GRIN2C: variants seen among roughly 807,000 people sequenced by gnomAD.
GRIN2C encodes the protein glutamate ionotropic receptor NMDA type subunit 2C.
In GRIN2C, 64 loss-of-function variants were observed where a neutral mutation model predicts 77.7. That is an observed-to-expected ratio of 0.82 (90% CI 0.67 to 1.01). The LOEUF (loss-of-function observed/expected upper bound fraction) is 1.01, where lower values mean the gene tolerates loss of function less well. GRIN2C is among the 50% of genes least tolerant of loss of function. The pLI, the probability that GRIN2C is intolerant of heterozygous loss-of-function variation, is 0.00. For missense variants in GRIN2C, 1,549 were observed against 1,486.0 expected, an observed-to-expected ratio of 1.04 and a Z score of -0.70; for synonymous variants, 792 against 643.4, an observed-to-expected ratio of 1.23 and a Z score of -3.49.
Position 74,844,526 on chromosome 17 carries a change from AC to A in GRIN2C, c.2351-19del, listed in dbSNP as rs747627917. 11 of 1,609,848 alleles carry A rather than the reference AC, an allele frequency of 6.8e-6. No homozygotes were observed. Among genetic ancestry groups the A allele is most frequent in the Admixed American group, 1.7e-5 (1 of 59,902 alleles). ...TGTCTCTCCTGGAGTTGGGGGGTGT[AC>A]ACATCTGGCTCAGGAAACCCCCCTA... is the stretch of plus-strand genomic sequence containing the variant. On this transcript the variant is annotated intron_variant, in intron 11 of 12. Coordinates refer to ENST00000293190, the MANE Select transcript of GRIN2C (RefSeq NM_000835.6).
chr17:74,847,204 T>G lies in GRIN2C; in HGVS notation c.2001+104A>C. 1.1e-6 allele frequency: 1 copy of G among 894,924 alleles called. No homozygotes were observed. The allele number at this position is 894,924 out of a possible 1,614,324, so 55.4% of individuals were successfully genotyped here. ...CCTGAAGCTTCTTCCTGCCCCAGCC[T>G]CCAGGTCAAATTCCCCAGACTCGAC... On this transcript the variant is annotated intron_variant, in intron 9 of 12. Transcript: ENST00000293190. The surrounding 1 kb of genome is among the most constrained non-coding windows in gnomAD (Gnocchi z 5.2).
chr17:74,852,331 T>G lies in GRIN2C; in HGVS notation c.680A>C (p.Tyr227Ser), dbSNP rs2037676791. 1 of 1,457,826 alleles carries G rather than the reference T, an allele frequency of 6.9e-7. No homozygotes were observed. Among genetic ancestry groups the G allele is most frequent in the Non-Finnish European group, 9.0e-7 (1 of 1,112,324 alleles). The allele number at this position is 1,457,826 out of a possible 1,614,324, so 90.3% of individuals were successfully genotyped here. A position where few individuals can be genotyped will look rare whatever the true frequency, so the allele number is the denominator to read the frequency against. The change falls in exon 3 of 13, where the codon TAC (tyrosine) becomes TCC (serine). Residue 227 changes from tyrosine (Y) to serine (S), a missense_variant. Transcript: ENST00000293190. Reference protein sequence around the residue: ...RQLDAPVFVAYCSREEAEVLF... With the variant: ...RQLDAPVFVASCSREEAEVLF... ...CACCTCGGCCTCCTCGCGCGAGCAG[T>G]AGGCCACAAACACGGGCGCGTCGAG...
chr17:74,847,450 G>T lies in GRIN2C; in HGVS notation c.1859C>A (p.Pro620Gln), dbSNP rs751104229. The change falls in exon 9 of 13, where the codon CCG becomes CAG. Residue 620 changes from proline to glutamine, a missense_variant. Physicochemically the swap from Pro to Gln is moderately conservative, Grantham distance 76 (BLOSUM62 -1). Around this residue, in one of 3 missense-constraint regions of GRIN2C, gnomAD observed 717 missense variants for 858.1 expected, o/e 0.84. Transcript: ENST00000293190. The surrounding 1 kb of genome is among the most constrained non-coding windows in gnomAD (Gnocchi z 5.2). Reference protein sequence around the residue: ...VFNNSVPIENPRGTTSKIMVL... With the variant: ...VFNNSVPIENQRGTTSKIMVL... ...CATGATCTTGCTGGTGGTGCCCCGC[G>T]GGTTCTCGATGGGCACTGAGTTGTT... is the stretch of plus-strand genomic sequence containing the variant. 6.2e-7 allele frequency: 1 copy of T among 1,614,046 alleles called. No individual in the cohort carries two copies. Among genetic ancestry groups the T allele is most frequent in the South Asian group, 1.1e-5 (1 of 91,070 alleles).
rs376499283 is a variant in GRIN2C, at chr17:74,846,797, G to A, written c.2125C>T (p.Arg709Cys). The part of the protein sequence containing the change: ...MHTHMVKFNQ[R>C]SVEDALTSLK... ...CTGGTGAGCGCGTCCTCCACCGAGC[G>A]CTGGTTGAACTTGACCATGTGGGTG... The change falls in exon 10 of 13, where the codon CGC (arginine) becomes TGC (cysteine). Residue 709 changes from arginine to cysteine, a missense_variant. By Grantham distance (180) the Arg-to-Cys change is radical (BLOSUM62 -3). This residue lies in a region of GRIN2C where 717 missense variants were observed against 858.1 expected (regional missense o/e 0.84). Coordinates refer to ENST00000293190, the MANE Select transcript of GRIN2C (RefSeq NM_000835.6). The surrounding 1 kb of genome is among the most constrained non-coding windows in gnomAD (Gnocchi z 4.4). The A allele has an allele frequency of 8.1e-6, 13 of 1,614,002 alleles. No individual in the cohort carries two copies. Among genetic ancestry groups the A allele is most frequent in the South Asian group, 1.1e-5 (1 of 91,090 alleles).
chr17:74,856,697 T>C (rs542548102), intron 1 of GRIN2C, among the ~76,000 whole-genome samples: 102 of 152,136 alleles, frequency 6.7e-4, no homozygotes, highest in African/African-American at 2.4e-3. Flanking sequence ...GCCAGGATGG[T>C]CTCGATCTCC....
intron 1 of GRIN2C, among the ~76,000 whole-genome samples, chr17:74,856,993 C>T (rs2037837891): frequency 1.3e-5 from 2 of 152,084 alleles, no homozygotes. Flanking sequence ...TCAATTGGCC[C>T]GTGTGTGCTG....
chr17:74,846,357 C>T lies in GRIN2C; in HGVS notation c.2163-104G>A. On this transcript the variant is annotated intron_variant, in intron 10 of 12. Transcript: ENST00000293190. The surrounding 1 kb of genome is among the most constrained non-coding windows in gnomAD (Gnocchi z 4.4). ...TAAACCACATGAGCCTGCTGGGCAC[C>T]CCCGGGAGGGACCAATGGGCAGAGA... 1 of 973,800 alleles carries T rather than the reference C, an allele frequency of 1.0e-6. No homozygotes were observed. The highest frequency in any genetic ancestry group is 1.6e-6 in the Non-Finnish European group (1 of 637,490). 60.3% of individuals were successfully genotyped at this position (973,800 alleles called of 1,614,324 possible). A position where few individuals can be genotyped will look rare whatever the true frequency, so the allele number is the denominator to read the frequency against.
rs549263384 is a variant in GRIN2C, at chr17:74,846,041, G to C, written c.2350+25C>G. 1.9e-6 allele frequency: 3 copies of C among 1,607,522 alleles called. No individual in the cohort carries two copies. Among genetic ancestry groups the C allele is most frequent in the Middle Eastern group, 1.7e-4 (1 of 5,856 alleles). ...CCTTGGGCTCCACAGCCCACCCTGG[G>C]CATCCCAGCAATGGCAGTACCCACC... On this transcript the variant is annotated intron_variant, in intron 11 of 12. Transcript: ENST00000293190. The surrounding 1 kb of genome is among the most constrained non-coding windows in gnomAD (Gnocchi z 4.4).
rs2037391731 is a variant in GRIN2C at position 74,844,342 on chromosome 17, G to A, written c.2517C>T (p.Val839=). 6.2e-7 allele frequency: 1 copy of A among 1,614,146 alleles called. No individual in the cohort carries two copies. The highest frequency in any genetic ancestry group is 8.5e-7 in the Non-Finnish European group (1 of 1,180,042). The change falls in exon 12 of 13, where the codon GTC becomes GTT. Residue 839 remains valine, a synonymous_variant. Transcript: ENST00000293190. ...GCACCGAGTGGCGCAGCTTCCAGTA[G>A]ACCAGGTGCTCCCAGGCGAAGACCA... ...ALLVFAWEHL[V]YWKLRHSVPN... is the part of the protein sequence containing the mutation.
chr17:74,860,810 G>C (rs1056369176), upstream of GRIN2C: 2 of 315,664 alleles, frequency 6.3e-6, no homozygotes, highest in African/African-American at 2.2e-5. Flanking sequence ...AAAGGAGATG[G>C]GGCAGAGCTG....
chr17:74,844,054 T>C, intron 12 of GRIN2C: 1 of 872,432 alleles, frequency 1.1e-6, no homozygotes, highest in Non-Finnish European at 1.7e-6. Context: ...TTTTATTTTC[T>C]GTAGAGATGG....
chr17:74,842,656 A>G lies in GRIN2C; in HGVS notation c.3481T>C (p.Trp1161Arg), dbSNP rs1009465563. ...GGAAGGTGAGGACAGACAGCCCCCC[A>G]GCAAAATGGCAGGTGGGCGTGGGCG... The part of the protein sequence containing the change: ...LHAHAHLPFC[W>R]GAVCPHLPPC... The change falls in exon 13 of 13, where the codon TGG becomes CGG. Residue 1161 changes from tryptophan to arginine, a missense_variant. Transcript: ENST00000293190. 6.7e-6 allele frequency: 5 copies of G among 748,250 alleles called. No homozygotes were observed. Among genetic ancestry groups the G allele is most frequent in the Non-Finnish European group, 1.2e-5 (5 of 402,128 alleles). 46.4% of individuals were successfully genotyped at this position (748,250 alleles called of 1,614,324 possible). A position where few individuals can be genotyped will look rare whatever the true frequency, so the allele number is the denominator to read the frequency against.
intron 1 of GRIN2C, among the ~76,000 whole-genome samples, 153 bp from the exon 2 acceptor site, chr17:74,855,260 A>G (rs887907992): frequency 7.2e-5 from 11 of 152,320 alleles, no homozygotes; most frequent in Admixed American, 7.2e-4. Flanking sequence ...AGAGAGGGAG[A>G]CAGACAGACA....
rs1329452563 is a variant in GRIN2C, at chr17:74,842,632, G to C, written c.3505C>G (p.Pro1169Ala). The C allele has an allele frequency of 1.3e-6, 1 of 755,230 alleles. No individual in the cohort carries two copies. The highest frequency in any genetic ancestry group is 2.5e-5 in the East Asian group (1 of 39,924). The allele number at this position is 755,230 out of a possible 1,614,324, so 46.8% of individuals were successfully genotyped here. The change falls in exon 13 of 13, where the codon CCA (proline) becomes GCA (alanine). Residue 1169 changes from proline to alanine, a missense_variant. By Grantham distance (27) the Pro-to-Ala change is conservative. Coordinates refer to ENST00000293190, the MANE Select transcript of GRIN2C (RefSeq NM_000835.6). ...FCWGAVCPHL[P>A]PCASHGSWLS... ...CAGGAGCCGTGGCTGGCACAGGGTG[G>C]AAGGTGAGGACAGACAGCCCCCCAG...
Position 74,843,517 on chromosome 17 carries a change from C to G in GRIN2C, c.2620G>C (p.Ala874Pro). Residue 874 changes from alanine (A) to proline (P), a missense_variant, in exon 13 of 13, where the codon GCC becomes CCC. Physicochemically the swap from Ala to Pro is conservative, Grantham distance 27. Around this residue, in one of 3 missense-constraint regions of GRIN2C, gnomAD observed 450 missense variants for 267.9 expected, o/e 1.68. Transcript: ENST00000293190. Reference sequence around the variant, plus strand: ...GGGCTGGCCTGCCGCGGTGGGCTGGCGAGGCTCTGCACCCCGCTGAAGCAG... The same window carrying G: ...GGGCTGGCCTGCCGCGGTGGGCTGGGGAGGCTCTGCACCCCGCTGAAGCAG... ...YSCFSGVQSL[A>P]SPPRQASPDL... 3 of 1,533,374 alleles carry G rather than the reference C, an allele frequency of 2.0e-6. No individual in the cohort carries two copies. The highest frequency in any genetic ancestry group is 2.6e-6 in the Non-Finnish European group (3 of 1,146,448). The allele number at this position is 1,533,374 out of a possible 1,614,324, so 95.0% of individuals were successfully genotyped here.
chr17:74,846,329 G>A lies in GRIN2C; in HGVS notation c.2163-76C>T, dbSNP rs538318045. 4.0e-5 allele frequency: 53 copies of A among 1,317,430 alleles called. 1 individual carries two copies. The South Asian group carries it at 6.0e-4, about 15-fold the overall frequency. The allele number at this position is 1,317,430 out of a possible 1,614,324, so 81.6% of individuals were successfully genotyped here. A position where few individuals can be genotyped will look rare whatever the true frequency, so the allele number is the denominator to read the frequency against. The stretch of plus-strand genomic sequence containing the variant: ...ACACCGAAACTGGGGCGTGACAGGG[G>A]TCTAAACCACATGAGCCTGCTGGGC... On this transcript the variant is annotated intron_variant, in intron 10 of 12. Transcript: ENST00000293190. This position sits in a 1 kb window ranked among gnomAD's most constrained non-coding sequence, Gnocchi z 4.4.
Position 74,842,635 on chromosome 17 carries a change from G to T in GRIN2C, c.3502C>A (p.Leu1168Ile). Reference protein sequence around the residue: ...PFCWGAVCPHLPPCASHGSWL... With the variant: ...PFCWGAVCPHIPPCASHGSWL... Reference sequence around the variant, plus strand: ...GAGCCGTGGCTGGCACAGGGTGGAAGGTGAGGACAGACAGCCCCCCAGCAA... The same window carrying T: ...GAGCCGTGGCTGGCACAGGGTGGAATGTGAGGACAGACAGCCCCCCAGCAA... Residue 1168 changes from leucine to isoleucine, a missense_variant, in exon 13 of 13, where the codon CTT becomes ATT. Coordinates refer to ENST00000293190, the MANE Select transcript of GRIN2C (RefSeq NM_000835.6). The T allele has an allele frequency of 1.3e-6, 1 of 754,180 alleles. No individual in the cohort carries two copies. Among genetic ancestry groups the T allele is most frequent in the East Asian group, 2.5e-5 (1 of 39,858 alleles). The allele number at this position is 754,180 out of a possible 1,614,324, so 46.7% of individuals were successfully genotyped here. A position where few individuals can be genotyped will look rare whatever the true frequency, so the allele number is the denominator to read the frequency against.
rs1439138425 is a variant in GRIN2C, at chr17:74,847,074, A to C, written c.2002-154T>G. On this transcript the variant is annotated intron_variant, in intron 9 of 12. Coordinates refer to ENST00000293190, the MANE Select transcript of GRIN2C (RefSeq NM_000835.6). This position sits in a 1 kb window ranked among gnomAD's most constrained non-coding sequence, Gnocchi z 5.2. Reference sequence around the variant, plus strand: ...GTCCAGGCCACTCCTGTGTTTTCCAAATGGAGACTCTGAGGCCCAAGACAG... The same window carrying C: ...GTCCAGGCCACTCCTGTGTTTTCCACATGGAGACTCTGAGGCCCAAGACAG... The C allele has an allele frequency of 6.0e-6, 5 of 835,434 alleles. No individual in the cohort carries two copies. Among genetic ancestry groups the C allele is most frequent in the South Asian group, 1.8e-5 (1 of 56,460 alleles). The allele number at this position is 835,434 out of a possible 1,614,324, so 51.8% of individuals were successfully genotyped here.
At position 74,849,463 on chromosome 17, in the gene GRIN2C, C is replaced by G. The variant is rs953825850; in HGVS notation, c.1645+317G>C. Among the ~76,000 whole-genome samples, 7 of 152,210 alleles carry G rather than the reference C, an allele frequency of 4.6e-5. No homozygotes were observed. The highest frequency in any genetic ancestry group is 7.2e-5 in the African/African-American group (3 of 41,454). ...TCCTCAACTCCCCACGGGCCTCCCC[C>G]ACTCGTTCCACAGTCCTGGGCCATG... On this transcript the variant is annotated intron_variant, in intron 7 of 12. Coordinates refer to ENST00000293190, the MANE Select transcript of GRIN2C (RefSeq NM_000835.6). The surrounding 1 kb of genome is among the most constrained non-coding windows in gnomAD (Gnocchi z 4.6).
Sources: gnomAD v4.1 joint callset for allele counts (sites outside exome capture counted in the v4.1 genomes callset) on GRCh38, gnomAD v4.1.1 for gene constraint, gnomAD v4.1.1 regional missense constraint, Gnocchi (gnomAD v3.1) non-coding constraint, MANE v1.5 for transcripts, NCBI Gene and HGNC (gene_info 2026-07-23, HGNC 2026-07-21) for gene names.